Variants in TSC22D1 observed in about 807,000 individuals in gnomAD.
The protein encoded by TSC22D1 is TSC22 domain family member 1.
Under a neutral mutation model 74.2 loss-of-function variants are expected in TSC22D1, and 9 were observed. The ratio of observed to expected loss-of-function variants is 0.12; its 90% CI spans 0.07 to 0.21. The LOEUF (loss-of-function observed/expected upper bound fraction) is 0.21, where lower values mean the gene tolerates loss of function less well. TSC22D1 is among the 10% of genes least tolerant of loss of function. The probability of loss-of-function intolerance (pLI) is 1.00; values close to 1 mark genes in which losing one functional copy is unlikely to be tolerated. For synonymous variants in TSC22D1, 586 were observed against 492.5 expected, an observed-to-expected ratio of 1.19 and a Z score of -2.51; for missense variants, 1,427 against 1,304.7, an observed-to-expected ratio of 1.09 and a Z score of -1.44.
chr13:44,511,283 C>CAA (rs201481501), intron 1 of TSC22D1, among the ~76,000 whole-genome samples: 1 of 149,452 alleles, frequency 6.7e-6, no homozygotes, highest in South Asian at 2.1e-4. Context: ...GAACCTGTTT[C>CAA]AAAAAAAAAC....
At chr13:44,435,161 C>T (rs1874444157) in intron 2 of TSC22D1, 1 of 331,660 alleles carries the variant, frequency 3.0e-6, no homozygotes. Context: ...CAGAGCCGGG[C>T]GCTGGGTCCC....
chr13:44,541,144 C>T (rs1881445101), intron 1 of TSC22D1, among the ~76,000 whole-genome samples: 1 of 152,186 alleles, frequency 6.6e-6, no homozygotes, highest in Non-Finnish European at 1.5e-5. Context: ...AATCAACCAA[C>T]AAAGGTTATA....
chr13:44,554,535 C>G (rs1470028422), intron 1 of TSC22D1, among the ~76,000 whole-genome samples: 1 of 147,782 alleles, frequency 6.8e-6, no homozygotes, highest in East Asian at 2.0e-4. Context: ...TCTTCATACC[C>G]TTAGTATCTT....
rs1233552374 is a variant in TSC22D1, at chr13:44,481,113, G to A, written c.2913-45018C>T. ...AGGCCAAGAGACAGAAGGAGAACCA[G>A]AAGAGACTGGTGCACTGGAGCCAAC... On this transcript the variant is annotated intron_variant, in intron 1 of 2. Transcript: ENST00000458659. 4.6e-5 allele frequency among the ~76,000 whole-genome samples: 7 copies of A among 152,324 alleles called. No homozygotes were observed. The East Asian group carries it at 1.3e-3, about 29-fold the overall frequency.
intron 1 of TSC22D1, among the ~76,000 whole-genome samples, chr13:44,488,827 G>A (rs1291262304): frequency 5.9e-5 from 9 of 152,072 alleles, no homozygotes; most frequent in Admixed American, 1.3e-4. Flanking sequence ...TAAAGAGACT[G>A]AAATAAACAG....
intron 1 of TSC22D1, chr13:44,516,384 A>G (rs1396273317): frequency 7.0e-6 from 3 of 431,158 alleles, no homozygotes; most frequent in Non-Finnish European, 1.3e-5. Flanking sequence ...TCTTTTTAAA[A>G]TCTCTTAATA....
Position 44,434,368 on chromosome 13 carries a change from T to C in TSC22D1, c.*258A>G, listed in dbSNP as rs1329138186. 2.2e-6 allele frequency: 3 copies of C among 1,373,656 alleles called. No homozygotes were observed. Among genetic ancestry groups the C allele is most frequent in the South Asian group, 1.9e-5 (1 of 52,616 alleles). The allele number at this position is 1,373,656 out of a possible 1,614,324, so 85.1% of individuals were successfully genotyped here. Reference sequence around the variant, plus strand: ...CATGAATTAAACCATTTCTCAGATATCTGCCAAGCTGCATGAGGTCCCGGT... The same window carrying C: ...CATGAATTAAACCATTTCTCAGATACCTGCCAAGCTGCATGAGGTCCCGGT... On this transcript the variant is annotated 3_prime_UTR_variant, in exon 3 of 3. Transcript: ENST00000458659.
chr13:44,446,656 C>A (rs1327715659), intron 1 of TSC22D1, among the ~76,000 whole-genome samples: 1 of 150,714 alleles, frequency 6.6e-6, no homozygotes, highest in Non-Finnish European at 1.5e-5. Flanking sequence ...TATTGCTGTA[C>A]ACTAAAAAGG....
At chr13:44,555,138 A>G (rs577506026) in intron 1 of TSC22D1, among the ~76,000 whole-genome samples, 1 of 152,034 alleles carries the variant, frequency 6.6e-6, no homozygotes, top group Non-Finnish European at 1.5e-5. Context: ...AAAAAAATCC[A>G]AAGTTGATCT....
intron 1 of TSC22D1, among the ~76,000 whole-genome samples, chr13:44,440,665 A>G (rs867666698): frequency 3.9e-5 from 6 of 151,916 alleles, no homozygotes; most frequent in African/African-American, 1.4e-4. Flanking sequence ...AATAGGATGC[A>G]TTTCTATTTT....
At chr13:44,493,533 G>A (rs1163880666) in intron 1 of TSC22D1, among the ~76,000 whole-genome samples, 10 of 152,206 alleles carry the variant, frequency 6.6e-5, no homozygotes, top group Non-Finnish European at 1.0e-4. Context: ...AGCCTGGGAA[G>A]AAAGATTCTT....
intron 1 of TSC22D1, among the ~76,000 whole-genome samples, chr13:44,560,603 G>A (rs545445150): frequency 7.2e-5 from 11 of 151,990 alleles, no homozygotes; most frequent in South Asian, 6.2e-4. Flanking sequence ...TGCCCTAAAA[G>A]GTAAAAAAGT....
At chr13:44,500,261 G>C (rs1879167307) in intron 1 of TSC22D1, among the ~76,000 whole-genome samples, 1 of 151,384 alleles carries the variant, frequency 6.6e-6, no homozygotes, top group Non-Finnish European at 1.5e-5. Context: ...TGTCATGCTG[G>C]ATATATTTTT....
intron 1 of TSC22D1, among the ~76,000 whole-genome samples, chr13:44,567,073 C>T (rs1209341298): frequency 6.6e-6 from 1 of 152,140 alleles, no homozygotes. Flanking sequence ...GATCACAGGA[C>T]TAAGGAAATC....
intron 1 of TSC22D1, chr13:44,474,359 T>C (rs1002505626): frequency 1.8e-5 from 15 of 815,280 alleles, no homozygotes; most frequent in Non-Finnish European, 2.1e-5. Context: ...AAATTCCATC[T>C]GTCCCCTAAG....
In TSC22D1 at chr13:44,434,722, C is replaced by T. The variant is rs1455247030; in HGVS notation, c.3126G>A (p.Gln1042=). ...TGGCAGGGGGGGAGCCAGTCTGCAG[C>T]TGGGCCTGAAACTGGGCAAGCTGCT... The part of the protein sequence containing the change: ...SPEQLAQFQA[Q]LQTGSPPATT... The change falls in exon 3 of 3, where the codon CAG becomes CAA. Residue 1042 remains glutamine, a synonymous_variant. Transcript: ENST00000458659. The T allele has an allele frequency of 1.2e-6, 2 of 1,613,180 alleles. No individual in the cohort carries two copies. Among genetic ancestry groups the T allele is most frequent in the Admixed American group, 1.7e-5 (1 of 59,958 alleles).
At chr13:44,546,811 C>T (rs1042919232) in intron 1 of TSC22D1, among the ~76,000 whole-genome samples, 5 of 146,126 alleles carry the variant, frequency 3.4e-5, no homozygotes, top group African/African-American at 7.4e-5. Context: ...GTGGCTCTGT[C>T]GCCCAGGCTA....
At chr13:44,480,886 T>A (rs1302013625) in intron 1 of TSC22D1, among the ~76,000 whole-genome samples, 2 of 152,166 alleles carry the variant, frequency 1.3e-5, no homozygotes, top group Non-Finnish European at 2.9e-5. Context: ...ATAGAGATTA[T>A]GGGGGGCTGC....
intron 1 of TSC22D1, among the ~76,000 whole-genome samples, chr13:44,449,433 G>A (rs1048586186): frequency 6.6e-6 from 1 of 152,228 alleles, no homozygotes; most frequent in African/African-American, 2.4e-5. Flanking sequence ...GAAGTCCAAG[G>A]GGATCAAAGA....
Sources: gnomAD v4.1 joint callset for allele counts (sites outside exome capture counted in the v4.1 genomes callset) on GRCh38, gnomAD v4.1.1 for gene constraint, MANE v1.5 for transcripts, NCBI Gene and HGNC (gene_info 2026-07-23, HGNC 2026-07-21) for gene names.